SV2B: variants seen among roughly 807,000 people sequenced by gnomAD.
The protein encoded by SV2B is synaptic vesicle glycoprotein 2B.
In SV2B, 41 loss-of-function variants were observed where a neutral mutation model predicts 73.9. The observed-to-expected ratio is 0.56, with a 90% CI of 0.43 to 0.72. SV2B has a LOEUF of 0.72. Ranked by LOEUF, SV2B falls within the 30% of genes least tolerant of loss-of-function variation. SV2B has a pLI of 0.00. For synonymous variants in SV2B, 314 were observed against 314.2 expected, an observed-to-expected ratio of 1.00 and a Z score of 0.01; for missense variants, 764 against 857.8, an observed-to-expected ratio of 0.89 and a Z score of 1.37.
At chr15:91,181,852 G>C (rs12594296) in intron 1 of SV2B, among the ~76,000 whole-genome samples, 53,456 of 151,208 alleles carry the variant, frequency 0.35, 9,889 homozygotes, top group East Asian at 0.7. Flanking sequence ...CTGGTCTCTT[G>C]AAACCAGAAA....
At chr15:91,256,639 G>A (rs1055415648) in intron 4 of SV2B, among the ~76,000 whole-genome samples, 15 of 152,278 alleles carry the variant, frequency 9.9e-5, no homozygotes, top group African/African-American at 3.1e-4. Context: ...TAAAGTGAAC[G>A]AACAAACCTC....
chr15:91,267,417 C>G lies in SV2B; in HGVS notation c.1120-138C>G. ...TGTTATTTGGACAGTTTTGCTGCCT[C>G]TAGGAGACAGTGGGGTACCGGTTCT... On this transcript the variant is annotated intron_variant, in intron 7 of 12. Transcript: ENST00000394232. The surrounding 1 kb of genome is among the most constrained non-coding windows in gnomAD (Gnocchi z 4.3). 1.4e-6 allele frequency: 1 copy of G among 705,144 alleles called. No homozygotes were observed. The highest frequency in any genetic ancestry group is 1.8e-5 in the South Asian group (1 of 55,338). The allele number at this position is 705,144 out of a possible 1,614,324, so 43.7% of individuals were successfully genotyped here.
Position 91,283,932 on chromosome 15 carries a change from A to C in SV2B, c.1508-89A>C, listed in dbSNP as rs2048767572. 4 of 1,369,552 alleles carry C rather than the reference A, an allele frequency of 2.9e-6. No homozygotes were observed. The African/African-American group carries it at 5.9e-5, about 20-fold the overall frequency. 84.8% of individuals were successfully genotyped at this position (1,369,552 alleles called of 1,614,324 possible). The stretch of plus-strand genomic sequence containing the variant: ...GCAAAGGCTGGCACAGCCTGCCTAC[A>C]GGAGGGGGCAGACTTCATCCCTGCC... On this transcript the variant is annotated intron_variant, in intron 10 of 12. Transcript: ENST00000394232. This position sits in a 1 kb window ranked among gnomAD's most constrained non-coding sequence, Gnocchi z 4.3.
chr15:91,146,849 C>T (rs1285924652), intron 1 of SV2B, among the ~76,000 whole-genome samples: 1 of 152,224 alleles, frequency 6.6e-6, no homozygotes. Context: ...AATCTGAACA[C>T]CACACTATAG....
At chr15:91,104,890 C>T (rs1271061404) in intron 1 of SV2B, among the ~76,000 whole-genome samples, 1 of 152,158 alleles carries the variant, frequency 6.6e-6, no homozygotes, top group African/African-American at 2.4e-5. Flanking sequence ...CCTCGGCCTC[C>T]CAAAGTGCTG....
At chr15:91,204,497 A>G (rs975008055) in intron 1 of SV2B, among the ~76,000 whole-genome samples, 1 of 150,680 alleles carries the variant, frequency 6.6e-6, no homozygotes, top group African/African-American at 2.4e-5. Context: ...TTTTTTTTTG[A>G]GATTTACACA....
rs1199097193 is a variant in SV2B at position 91,139,286 on chromosome 15, T to C, written c.-392+38923T>C. Among the ~76,000 whole-genome samples, 1 of 152,104 alleles carries C rather than the reference T, an allele frequency of 6.6e-6. No individual in the cohort carries two copies. Among genetic ancestry groups the C allele is most frequent in the African/African-American group, 2.4e-5 (1 of 41,414 alleles). Reference sequence around the variant, plus strand: ...TTCGAGTTAGCTGGTGGGTACATGGTAGTTCATTAAATTATTCTCTCTACT... The same window carrying C: ...TTCGAGTTAGCTGGTGGGTACATGGCAGTTCATTAAATTATTCTCTCTACT... On this transcript the variant is annotated intron_variant, in intron 1 of 12. Transcript: ENST00000394232. This position sits in a 1 kb window ranked among gnomAD's most constrained non-coding sequence, Gnocchi z 5.2.
intron 9 of SV2B, among the ~76,000 whole-genome samples, chr15:91,273,134 T>C (rs903752341): frequency 2.0e-5 from 3 of 152,086 alleles, no homozygotes; most frequent in Non-Finnish European, 4.4e-5. Flanking sequence ...CGCCTGGCTC[T>C]AAATAAGAAT....
chr15:91,113,841 A>G (rs76362541), intron 1 of SV2B, among the ~76,000 whole-genome samples: 7,961 of 152,098 alleles, frequency 0.052, 240 homozygotes, highest in Middle Eastern at 0.12. Context: ...AGTAAGGTCT[A>G]TTTTCTGGGA....
At chr15:91,276,407 C>T (rs1274177508) in intron 9 of SV2B, among the ~76,000 whole-genome samples, 4 of 151,936 alleles carry the variant, frequency 2.6e-5, no homozygotes, top group African/African-American at 9.7e-5. Flanking sequence ...CCAAATACTT[C>T]TTCTTTCTCT....
In SV2B at chr15:91,297,378, G is replaced by A. The variant is rs2049290221; in HGVS notation, c.*4826G>A. 6.6e-6 allele frequency: 1 copy of A among 152,192 alleles called. No homozygotes were observed. The highest frequency in any genetic ancestry group is 1.5e-5 in the Non-Finnish European group (1 of 68,048). 9.4% of individuals were successfully genotyped at this position (152,192 alleles called of 1,614,324 possible). A position where few individuals can be genotyped will look rare whatever the true frequency, so the allele number is the denominator to read the frequency against. On this transcript the variant is annotated 3_prime_UTR_variant, in exon 13 of 13. Coordinates refer to ENST00000394232, the MANE Select transcript of SV2B (RefSeq NM_001323032.3). The surrounding 1 kb of genome is among the most constrained non-coding windows in gnomAD (Gnocchi z 5.1). ...ATTGCTGCCCCTCCTCCAAATTGAG[G>A]GTCTTGGCTCGAAGGACAAAAGCCA...
rs1307003541 is a variant in SV2B, at chr15:91,106,861, C to T, written c.-392+6498C>T. Among the ~76,000 whole-genome samples the T allele has an allele frequency of 6.6e-6, 1 of 152,184 alleles. No homozygotes were observed. The highest frequency in any genetic ancestry group is 1.5e-5 in the Non-Finnish European group (1 of 68,032). ...GCTTGCTTGAGAAACCCCACATCTA[C>T]AGTAGCTTGCATAATGTGTTCCTGT... On this transcript the variant is annotated intron_variant, in intron 1 of 12. Transcript: ENST00000394232. This position sits in a 1 kb window ranked among gnomAD's most constrained non-coding sequence, Gnocchi z 4.4.
chr15:91,166,824 T>C (rs1480844947), intron 1 of SV2B, among the ~76,000 whole-genome samples: 1 of 151,324 alleles, frequency 6.6e-6, no homozygotes, highest in African/African-American at 2.4e-5. Context: ...TTTTCTTTTT[T>C]TTTTTTTGAG....
intron 1 of SV2B, among the ~76,000 whole-genome samples, chr15:91,116,890 A>G (rs957624681): frequency 1.3e-5 from 2 of 152,232 alleles, no homozygotes; most frequent in Non-Finnish European, 2.9e-5. Context: ...GACCATGTGC[A>G]GGGGAACTGC....
intron 9 of SV2B, among the ~76,000 whole-genome samples, chr15:91,277,337 T>A (rs1428688159): frequency 5.3e-5 from 8 of 152,218 alleles, no homozygotes; most frequent in Non-Finnish European, 1.2e-4. Flanking sequence ...TCCTTTTTTA[T>A]TGAGGAATAA....
chr15:91,201,965 A>G (rs778797418), intron 1 of SV2B, among the ~76,000 whole-genome samples: 1 of 152,170 alleles, frequency 6.6e-6, no homozygotes, highest in East Asian at 1.9e-4. Context: ...GATTTGCCAG[A>G]GCATGCCACC....
rs542682782 is a variant in SV2B, at chr15:91,253,067, G to C, written c.784+547G>C. Among the ~76,000 whole-genome samples, 2 of 152,218 alleles carry C rather than the reference G, an allele frequency of 1.3e-5. No individual in the cohort carries two copies. The highest frequency in any genetic ancestry group is 4.2e-4 in the South Asian group (2 of 4,810). On this transcript the variant is annotated intron_variant, in intron 4 of 12. Coordinates refer to ENST00000394232, the MANE Select transcript of SV2B (RefSeq NM_001323032.3). The surrounding 1 kb of genome is among the most constrained non-coding windows in gnomAD (Gnocchi z 5.0). ...ACAGTGCAGGAGCCCTTATAGACAA[G>C]GTCATGGTTTCAGCCGGGACAATTT...
At chr15:91,131,228 A>G (rs1282894242) in intron 1 of SV2B, among the ~76,000 whole-genome samples, 1 of 147,606 alleles carries the variant, frequency 6.8e-6, no homozygotes, top group Non-Finnish European at 1.5e-5. Context: ...GGGCTCATGC[A>G]ATTCTCCTGC....
intron 2 of SV2B, among the ~76,000 whole-genome samples, chr15:91,246,753 T>TCTC (rs930865277): frequency 1.3e-5 from 2 of 148,580 alleles, no homozygotes; most frequent in South Asian, 4.2e-4. Context: ...TCCTCCTTCT[T>TCTC]CTCCTCTTCC....
Sources: allele counts gnomAD v4.1 joint callset (sites outside exome capture counted in the v4.1 genomes callset), GRCh38; gene constraint gnomAD v4.1.1; non-coding constraint Gnocchi (gnomAD v3.1); transcripts MANE v1.5; gene names NCBI Gene and HGNC (gene_info 2026-07-23, HGNC 2026-07-21).